Variants in DZANK1 observed in about 807,000 individuals in gnomAD.
The protein encoded by DZANK1 is double zinc ribbon and ankyrin repeat-containing protein 1.
Under a neutral mutation model 94.5 loss-of-function variants are expected in DZANK1, and 91 were observed. That is an observed-to-expected ratio of 0.96 (90% CI 0.81 to 1.15). The LOEUF is 1.15. Ranked by LOEUF, DZANK1 falls within the 50% of genes most tolerant of loss-of-function variation. DZANK1 has a pLI of 0.00. For missense variants in DZANK1, 903 were observed against 916.4 expected, an observed-to-expected ratio of 0.99 and a Z score of 0.19; for synonymous variants, 312 against 325.3, an observed-to-expected ratio of 0.96 and a Z score of 0.44.
At chr20:18,426,968 C>T (rs1401026535) in intron 10 of DZANK1, 99 bp downstream of exon 10, 3 of 774,620 alleles carry the variant, frequency 3.9e-6, no homozygotes, top group Admixed American at 3.7e-5. Flanking sequence ...TTTTTTTGGT[C>T]TCTCTCCCCA....
chr20:18,451,706 G>T, intron 6 of DZANK1: 1 of 364,180 alleles, frequency 2.7e-6, no homozygotes, highest in Non-Finnish European at 5.4e-6. Flanking sequence ...TTTGTCAATG[G>T]CACCATCATC....
chr20:18,387,585 C>A (rs2048582529), intron 19 of DZANK1, among the ~76,000 whole-genome samples: 1 of 152,212 alleles, frequency 6.6e-6, no homozygotes, highest in South Asian at 2.1e-4. Flanking sequence ...TGAGGAAGGG[C>A]AGCTCTTGTC....
chr20:18,452,593 A>G (rs2059141648), intron 6 of DZANK1, 22 bp downstream of exon 6: 2 of 1,590,398 alleles, frequency 1.3e-6, no homozygotes, highest in African/African-American at 1.4e-5. Context: ...TGAATACCCT[A>G]AAGATTGTCC....
At chr20:18,409,009 A>T (rs1555858509) in intron 13 of DZANK1, among the ~76,000 whole-genome samples, 1 of 152,190 alleles carries the variant, frequency 6.6e-6, no homozygotes, top group Non-Finnish European at 1.5e-5. Flanking sequence ...GTTAAAAAGC[A>T]GGGGGGATTA....
intron 8 of DZANK1, among the ~76,000 whole-genome samples, chr20:18,435,620 G>C (rs2058488702): frequency 6.6e-6 from 1 of 152,104 alleles, no homozygotes; most frequent in South Asian, 2.1e-4. Flanking sequence ...AGGAGGAAAA[G>C]CATTAGGACA....
At chr20:18,426,197 T>C (rs941375238) in intron 10 of DZANK1, among the ~76,000 whole-genome samples, 2 of 152,136 alleles carry the variant, frequency 1.3e-5, no homozygotes, top group African/African-American at 2.4e-5. Context: ...GCAAACCCTA[T>C]TGTGAACTGT....
intron 8 of DZANK1, among the ~76,000 whole-genome samples, chr20:18,436,110 A>G (rs1220176291): frequency 6.6e-6 from 1 of 152,232 alleles, no homozygotes; most frequent in African/African-American, 2.4e-5. Flanking sequence ...TTTAGTAGAC[A>G]AAGATTTCAA....
chr20:18,411,008 A>C (rs547955815), intron 13 of DZANK1, among the ~76,000 whole-genome samples: 1 of 152,360 alleles, frequency 6.6e-6, no homozygotes, highest in South Asian at 2.1e-4. Flanking sequence ...CAGTGAAAGC[A>C]AAGCTCAAAC....
intron 8 of DZANK1, among the ~76,000 whole-genome samples, chr20:18,437,911 A>G (rs2058583534): frequency 6.6e-6 from 1 of 152,172 alleles, no homozygotes; most frequent in Non-Finnish European, 1.5e-5. Flanking sequence ...GCACACTAAA[A>G]GTAACACAAA....
chr20:18,400,299 C>G (rs1350398908), intron 13 of DZANK1, among the ~76,000 whole-genome samples: 1 of 152,070 alleles, frequency 6.6e-6, no homozygotes, highest in African/African-American at 2.4e-5. Context: ...TAGTTAATAC[C>G]CTGGGCAACT....
intron 6 of DZANK1, among the ~76,000 whole-genome samples, chr20:18,451,331 C>A (rs1356890517): frequency 2.0e-5 from 3 of 152,184 alleles, no homozygotes; most frequent in Non-Finnish European, 4.4e-5. Flanking sequence ...CTAATTAGAA[C>A]CTTCAGTAAC....
At chr20:18,427,009 TCATTAA>T (rs2058073499) in intron 10 of DZANK1, 52 bp downstream of exon 10, 8 of 1,280,736 alleles carry the variant, frequency 6.2e-6, no homozygotes, top group Non-Finnish European at 8.8e-6. Context: ...TTCTCTATTA[TCATTAA>T]CATTGACATA....
chr20:18,427,236 T>A, intron 9 of DZANK1, 77 bp from the exon 10 acceptor site: 1 of 1,144,310 alleles, frequency 8.7e-7, no homozygotes, highest in Non-Finnish European at 1.3e-6. Context: ...CAGTCTTTTC[T>A]GTCAGTCATT....
At chr20:18,461,725 G>A (rs1195735076) in intron 2 of DZANK1, among the ~76,000 whole-genome samples, 1 of 151,458 alleles carries the variant, frequency 6.6e-6, no homozygotes, top group Admixed American at 6.6e-5. Context: ...TGAACCTCTT[G>A]AGTAGCTAGG....
chr20:18,457,592 C>A lies in DZANK1; in HGVS notation c.264-2231G>T, dbSNP rs576647336. On this transcript the variant is annotated intron_variant, in intron 3 of 20. Coordinates refer to ENST00000262547, the Ensembl canonical transcript of DZANK1. ...TGTCATGGTGACAGAAGCACGATAG[C>A]AAGTTTCTACTTGGTTACTCCATCA... is the stretch of plus-strand genomic sequence containing the variant. Among the ~76,000 whole-genome samples the A allele has an allele frequency of 2.0e-5, 3 of 152,290 alleles. No individual in the cohort carries two copies. In the East Asian group the frequency reaches 5.8e-4, roughly 29 times the overall value.
At chr20:18,414,655 G>C (rs1174896746) in intron 11 of DZANK1, 143 bp from the exon 12 acceptor site, 13 of 1,029,890 alleles carry the variant, frequency 1.3e-5, no homozygotes, top group Non-Finnish European at 1.8e-5. Context: ...AGATGGACAA[G>C]TACAGAAAGA....
At chr20:18,385,146 G>A in intron 19 of DZANK1, 56 bp from the exon 20 acceptor site, 1 of 1,516,560 alleles carries the variant, frequency 6.6e-7, no homozygotes, top group Non-Finnish European at 9.0e-7. Flanking sequence ...TCAGGAAACT[G>A]GAGAGGATGC....
chr20:18,412,305 A>G (rs922730904), intron 13 of DZANK1, among the ~76,000 whole-genome samples: 1 of 152,180 alleles, frequency 6.6e-6, no homozygotes. Context: ...ATTTTATGTT[A>G]TTTAAATTTT....
intron 12 of DZANK1, chr20:18,413,121 T>C: frequency 3.9e-6 from 2 of 518,460 alleles, no homozygotes; most frequent in Non-Finnish European, 6.8e-6. Context: ...GGAAGATATC[T>C]ATCCTTTTCA....
Sources: allele counts gnomAD v4.1 joint callset (sites outside exome capture counted in the v4.1 genomes callset), GRCh38; gene constraint gnomAD v4.1.1; transcripts MANE v1.5; gene names NCBI Gene and HGNC (gene_info 2026-07-23, HGNC 2026-07-21).